The following STK26 variants were observed in gnomAD, a reference collection of about 807,000 sequenced individuals.
STK26 encodes serine/threonine-protein kinase 26.
Under a neutral mutation model 34.7 loss-of-function variants are expected in STK26, and 14 were observed. The observed-to-expected ratio is 0.40, with a 90% CI of 0.27 to 0.63. The LOEUF (loss-of-function observed/expected upper bound fraction) is 0.63. Ranked by LOEUF, STK26 falls within the 30% of genes least tolerant of loss-of-function variation. The pLI is 0.38. For synonymous variants in STK26, 100 were observed against 109.8 expected (o/e 0.91, Z 0.56); for missense variants, 226 against 309.1 (o/e 0.73, Z 2.02).
Position 132,074,643 on chromosome X carries a change from A to T in STK26, c.*484A>T, listed in dbSNP as rs182430156. 2.7e-5 allele frequency: 3 copies of T among 111,149 alleles called. No homozygotes were observed. In the East Asian group the frequency reaches 8.4e-4, roughly 31 times the overall value. 9.2% of individuals were successfully genotyped at this position (111,149 alleles called of 1,213,427 possible). ...ATAAGTCATACCTTCTTAAAACAGA[A>T]AATTTAAGTAAAGTCTTTTAAATGA... On this transcript the variant is annotated 3_prime_UTR_variant, in exon 12 of 12. Coordinates refer to ENST00000394334, the MANE Select transcript of STK26 (RefSeq NM_016542.4).
intron 4 of STK26, among the ~76,000 whole-genome samples, chrX:132,064,191 G>A (rs1457027111): frequency 8.9e-6 from 1 of 111,912 alleles, no homozygotes; most frequent in Admixed American, 9.5e-5. Flanking sequence ...CCAGTCTGTG[G>A]TATTCTGCTA....
intron 9 of STK26, 44 bp from the exon 10 acceptor site, chrX:132,072,769 C>T (rs1927457541): frequency 8.7e-7 from 1 of 1,144,431 alleles, no homozygotes. Flanking sequence ...AATCATGACA[C>T]TTATTTTAAT....
At chrX:132,041,344 G>A (rs763962656) in intron 2 of STK26, among the ~76,000 whole-genome samples, 1 of 111,329 alleles carries the variant, frequency 9.0e-6, no homozygotes, top group East Asian at 2.8e-4. Flanking sequence ...AATAACAAAG[G>A]GAATTCTAAG....
intron 6 of STK26, among the ~76,000 whole-genome samples, chrX:132,069,228 C>T (rs1207352903): frequency 2.8e-5 from 3 of 106,104 alleles, no homozygotes; most frequent in African/African-American, 6.9e-5. Flanking sequence ...TCCTCCATTC[C>T]GAGAAGGGTA....
Position 132,072,272 on chromosome X carries a change from T to C in STK26, c.937T>C (p.Ser313Pro). Residue 313 changes from serine to proline, a missense_variant, in exon 9 of 12, where the codon TCT becomes CCT. Transcript: ENST00000394334. ...ESDSEGSDSESTSRENNTHPE... is the reference protein window; with the variant it reads ...ESDSEGSDSEPTSRENNTHPE... ...TATCTTTGGCAATCTCTTTAGGGAA[T>C]CTACCAGCAGGGAAAACAATACTCA... 1 of 1,205,835 alleles carries C rather than the reference T, an allele frequency of 8.3e-7. No individual in the cohort carries two copies. The highest frequency in any genetic ancestry group is 1.1e-6 in the Non-Finnish European group (1 of 890,521).
At chrX:132,044,230 C>G (rs990382523) in intron 2 of STK26, among the ~76,000 whole-genome samples, 2 of 111,279 alleles carry the variant, frequency 1.8e-5, no homozygotes, top group Non-Finnish European at 3.8e-5. Context: ...CTTAATAAGC[C>G]TGCTATTGAA....
chrX:132,054,193 T>A (rs1265505894), intron 2 of STK26, among the ~76,000 whole-genome samples: 1 of 112,325 alleles, frequency 8.9e-6, no homozygotes, highest in Non-Finnish European at 1.9e-5. Context: ...ATGATTGGGA[T>A]ATCCGAGTTG....
chrX:132,031,767 C>T (rs1925848295), intron 2 of STK26, among the ~76,000 whole-genome samples: 1 of 112,349 alleles, frequency 8.9e-6, no homozygotes, highest in African/African-American at 3.2e-5. Context: ...GCAGGAACCA[C>T]ATCTTTGAAT....
chrX:132,028,797 GTCATCC>G (rs1925713417), intron 2 of STK26, among the ~76,000 whole-genome samples: 1 of 111,648 alleles, frequency 9.0e-6, no homozygotes, highest in African/African-American at 3.3e-5. Flanking sequence ...TTACTTAACA[GTCATCC>G]GGAAACCTAC....
At chrX:132,056,359 G>A (rs1926856866) in intron 3 of STK26, among the ~76,000 whole-genome samples, 1 of 112,043 alleles carries the variant, frequency 8.9e-6, no homozygotes, top group Middle Eastern at 4.2e-3. Flanking sequence ...GGGTTGCAGT[G>A]GTTCTGGCTC....
chrX:132,073,256 T>C (rs1927479063), intron 11 of STK26, among the ~76,000 whole-genome samples, 163 bp downstream of exon 11: 1 of 112,599 alleles, frequency 8.9e-6, no homozygotes, highest in East Asian at 2.8e-4. Flanking sequence ...CTGTTGTCTA[T>C]CTTAAACATT....
rs1340060572 is a variant in STK26 at position 132,023,665 on chromosome X, G to C, written c.42+6G>C. ...TCCAAGTGCCTGGGATGCAGGTGAGGAAGCGCAGGCCGCCCCCGCCGCCCA... is the reference window on the plus strand; with the variant it reads ...TCCAAGTGCCTGGGATGCAGGTGAGCAAGCGCAGGCCGCCCCCGCCGCCCA... On this transcript the variant is annotated splice_donor_region_variant and intron_variant, in intron 2 of 11. Transcript: ENST00000394334. The C allele has an allele frequency of 2.5e-6, 3 of 1,177,742 alleles. No individual in the cohort carries two copies. In the African/African-American group the frequency reaches 5.3e-5, roughly 21 times the overall value.
chrX:132,056,707 C>T (rs934425321), intron 3 of STK26, among the ~76,000 whole-genome samples: 12 of 111,895 alleles, frequency 1.1e-4, no homozygotes, highest in African/African-American at 3.9e-4. Context: ...GGGCCCAAGC[C>T]AATAGTAATA....
At position 132,023,651 on chromosome X, in the gene STK26, G is replaced by A. The variant is rs1023444788; in HGVS notation, c.34G>A (p.Gly12Arg). ...AHSPVAVQVP[G>R]MQNNIADPEE... ...CTCGCCGGTGGCTGTCCAAGTGCCT[G>A]GGATGCAGGTGAGGAAGCGCAGGCC... Residue 12 changes from glycine to arginine, a missense_variant, in exon 2 of 12, where the codon GGG becomes AGG. Physicochemically the swap from Gly to Arg is moderately radical, Grantham distance 125. Coordinates refer to ENST00000394334, the MANE Select transcript of STK26 (RefSeq NM_016542.4). The A allele has an allele frequency of 5.1e-6, 6 of 1,179,696 alleles. No homozygotes were observed. In the African/African-American group the frequency reaches 1.1e-4, roughly 21 times the overall value.
Position 132,074,438 on chromosome X carries a change from T to C in STK26, c.*279T>C, listed in dbSNP as rs947239224. ...CTTTTAAGTATCCCTATTTCTTAAG[T>C]TACGAGGATGAATACCTTTCACATT... On this transcript the variant is annotated 3_prime_UTR_variant, in exon 12 of 12. Transcript: ENST00000394334. 4.0e-6 allele frequency: 1 copy of C among 247,250 alleles called. No homozygotes were observed. Among genetic ancestry groups the C allele is most frequent in the Non-Finnish European group, 7.2e-6 (1 of 139,358 alleles). The allele number at this position is 247,250 out of a possible 1,213,427, so 20.4% of individuals were successfully genotyped here.
intron 2 of STK26, among the ~76,000 whole-genome samples, chrX:132,028,074 A>T (rs1602739971): frequency 1.1e-5 from 1 of 87,143 alleles, no homozygotes; most frequent in Non-Finnish European, 2.2e-5. Flanking sequence ...GTGGTTGTCC[A>T]GGCTGGTTTC....
intron 2 of STK26, among the ~76,000 whole-genome samples, chrX:132,042,625 A>G (rs1488814585): frequency 8.9e-6 from 1 of 111,835 alleles, no homozygotes; most frequent in Non-Finnish European, 1.9e-5. Flanking sequence ...AAAACTAACA[A>G]TAAGCATTTG....
rs752780462 is a variant in STK26, at chrX:132,042,866, C to T, written c.43-11765C>T. 2.7e-5 allele frequency among the ~76,000 whole-genome samples: 3 copies of T among 111,532 alleles called. No homozygotes were observed. In the South Asian group the frequency reaches 1.1e-3, roughly 42 times the overall value. Reference sequence around the variant, plus strand: ...CCAGCAGGACCCAAGAGATAATTTTCCCTAGTCCTACGATTCCATTGGGTA... The same window carrying T: ...CCAGCAGGACCCAAGAGATAATTTTTCCTAGTCCTACGATTCCATTGGGTA... On this transcript the variant is annotated intron_variant, in intron 2 of 11. Transcript: ENST00000394334.
intron 2 of STK26, among the ~76,000 whole-genome samples, chrX:132,051,344 C>T (rs964549137): frequency 1.8e-5 from 2 of 111,300 alleles, no homozygotes; most frequent in Non-Finnish European, 3.8e-5. Context: ...TAAAACAGGG[C>T]CAAGGAATAA....
Sources: gnomAD v4.1 joint callset for allele counts (sites outside exome capture counted in the v4.1 genomes callset) on GRCh38, gnomAD v4.1.1 for gene constraint, MANE v1.5 for transcripts, NCBI Gene and HGNC (gene_info 2026-07-23, HGNC 2026-07-21) for gene names.